Variants in PRKAR2B observed in about 807,000 individuals in gnomAD.
PRKAR2B encodes protein kinase cAMP-dependent type II regulatory subunit beta.
PRKAR2B carries 14 observed loss-of-function variants against 49.9 expected under a neutral mutation model. That is an observed-to-expected ratio of 0.28 (90% CI 0.19 to 0.44). PRKAR2B has a LOEUF of 0.44. PRKAR2B is among the 20% of genes least tolerant of loss of function. The probability of loss-of-function intolerance (pLI) is 1.00; values close to 1 mark genes in which losing one functional copy is unlikely to be tolerated. For missense variants in PRKAR2B, 393 were observed against 537.9 expected (o/e 0.73, Z 2.67); for synonymous variants, 196 against 197.7 (o/e 0.99, Z 0.07).
rs1158811779 is a variant in PRKAR2B, at chr7:107,045,078, C to T, written c.171C>T (p.Thr57=). 6.5e-7 allele frequency: 1 copy of T among 1,536,024 alleles called. No individual in the cohort carries two copies. Among genetic ancestry groups the T allele is most frequent in the Admixed American group, 2.0e-5 (1 of 50,946 alleles). The change falls in exon 1 of 11, where the codon ACC becomes ACT. Residue 57 remains threonine, a synonymous_variant. Transcript: ENST00000265717. ...CGCGCTTCGGCCATGAGGGCAGGAC[C>T]TGGGGGGACCTGGGCGCCGCTGCCG... ...GTARFGHEGR[T]WGDLGAAAGG...
chr7:107,056,032 A>G (rs1196519318), intron 1 of PRKAR2B, among the ~76,000 whole-genome samples: 5 of 152,318 alleles, frequency 3.3e-5, no homozygotes, highest in East Asian at 3.9e-4. Context: ...CTTCCTACAT[A>G]TGGCTAGCCA....
At chr7:107,061,381 C>A (rs1335677009) in intron 1 of PRKAR2B, among the ~76,000 whole-genome samples, 1 of 152,130 alleles carries the variant, frequency 6.6e-6, no homozygotes, top group Non-Finnish European at 1.5e-5. Context: ...ATATATCTCC[C>A]TTTATTCAGT....
At chr7:107,076,067 AGAGT>A (rs908008717) in intron 2 of PRKAR2B, among the ~76,000 whole-genome samples, 6 of 152,130 alleles carry the variant, frequency 3.9e-5, no homozygotes, top group Non-Finnish European at 7.3e-5. Flanking sequence ...AACAGTTTAA[AGAGT>A]TCAGTGAGCG....
At chr7:107,114,012 T>C (rs1795221040) in intron 2 of PRKAR2B, among the ~76,000 whole-genome samples, 1 of 152,216 alleles carries the variant, frequency 6.6e-6, no homozygotes, top group Non-Finnish European at 1.5e-5. Context: ...GATAAACCGA[T>C]TGAATGCTCT....
rs1796186426 is a variant in PRKAR2B, at chr7:107,160,885, A to G, written c.*1303A>G. ...AGATGAATTTAATTATATTCAACCA[A>G]AGCAATATACTCTTACATGATTTCT... On this transcript the variant is annotated 3_prime_UTR_variant, in exon 11 of 11. Coordinates refer to ENST00000265717, the MANE Select transcript of PRKAR2B (RefSeq NM_002736.3). The G allele has an allele frequency of 6.6e-6, 1 of 152,186 alleles. No homozygotes were observed. Among genetic ancestry groups the G allele is most frequent in the South Asian group, 2.1e-4 (1 of 4,834 alleles). 9.4% of individuals were successfully genotyped at this position (152,186 alleles called of 1,614,324 possible).
intron 1 of PRKAR2B, among the ~76,000 whole-genome samples, chr7:107,052,163 AT>A (rs1793818513): frequency 6.6e-6 from 1 of 152,156 alleles, no homozygotes; most frequent in African/African-American, 2.4e-5. Flanking sequence ...CATGTCTATA[AT>A]TCCCAGCACT....
rs374467529 is a variant in PRKAR2B, at chr7:107,136,235, A to G, written c.481-4612A>G. On this transcript the variant is annotated intron_variant, in intron 4 of 10. Coordinates refer to ENST00000265717, the MANE Select transcript of PRKAR2B (RefSeq NM_002736.3). ...AACTGTAAAATTCCTAGGCGATAACATGGGAGAAAATCTAGATGACCTTGG... is the reference window on the plus strand; with the variant it reads ...AACTGTAAAATTCCTAGGCGATAACGTGGGAGAAAATCTAGATGACCTTGG... Among the ~76,000 whole-genome samples, 117 of 152,308 alleles carry G rather than the reference A, an allele frequency of 7.7e-4. 2 individuals are homozygous for G. In the South Asian group the frequency reaches 0.018, roughly 23 times the overall value.
intron 2 of PRKAR2B, among the ~76,000 whole-genome samples, chr7:107,089,821 A>G (rs1244799730): frequency 6.6e-6 from 1 of 152,232 alleles, no homozygotes; most frequent in East Asian, 1.9e-4. Flanking sequence ...AGATAAGCAG[A>G]TAAAACAGTC....
At chr7:107,150,349 C>G (rs1795960959) in intron 6 of PRKAR2B, among the ~76,000 whole-genome samples, 1 of 151,892 alleles carries the variant, frequency 6.6e-6, no homozygotes, top group South Asian at 2.1e-4. Flanking sequence ...TTCTCTGTGC[C>G]TTCACATTAA....
chr7:107,088,890 GCACCCAGC>G lies in PRKAR2B; in HGVS notation c.343+18576_343+18583del, dbSNP rs538210108. 3.9e-5 allele frequency among the ~76,000 whole-genome samples: 6 copies of G among 152,154 alleles called. No individual in the cohort carries two copies. In the East Asian group the frequency reaches 9.8e-4, roughly 25 times the overall value. On this transcript the variant is annotated intron_variant, in intron 2 of 10. Coordinates refer to ENST00000265717, the MANE Select transcript of PRKAR2B (RefSeq NM_002736.3). ...GCTGGGATTACAGGCATGAGCCACT[GCACCCAGC>G]CGGAGGTAGGTTTTAATAATCATAT... is the stretch of plus-strand genomic sequence containing the variant.
At chr7:107,124,511 TG>T (rs1795448113) in intron 3 of PRKAR2B, among the ~76,000 whole-genome samples, 1 of 152,190 alleles carries the variant, frequency 6.6e-6, no homozygotes, top group Admixed American at 6.5e-5. Context: ...CCCAAGCCTC[TG>T]GGTCAAGTGA....
At chr7:107,116,882 C>A (rs996193050) in intron 2 of PRKAR2B, among the ~76,000 whole-genome samples, 1 of 147,404 alleles carries the variant, frequency 6.8e-6, no homozygotes, top group East Asian at 1.9e-4. Flanking sequence ...TATATATACA[C>A]ACATATATAT....
intron 2 of PRKAR2B, among the ~76,000 whole-genome samples, chr7:107,088,382 G>A (rs572435868): frequency 3.5e-4 from 53 of 152,302 alleles, no homozygotes; most frequent in Admixed American, 6.5e-4. Flanking sequence ...CAAGGCCTGG[G>A]AAGTACAGGG....
chr7:107,059,782 G>A (rs562119890), intron 1 of PRKAR2B, among the ~76,000 whole-genome samples: 1 of 151,918 alleles, frequency 6.6e-6, no homozygotes, highest in South Asian at 2.1e-4. Context: ...GATACCTCTG[G>A]GGGACCATTT....
chr7:107,128,001 C>T (rs1301305346), intron 3 of PRKAR2B, among the ~76,000 whole-genome samples: 2 of 152,134 alleles, frequency 1.3e-5, no homozygotes, highest in Non-Finnish European at 2.9e-5. Context: ...ATACCAACCT[C>T]CCCCGAACAA....
Position 107,153,741 on chromosome 7 carries a change from T to A in PRKAR2B, c.918+490T>A, listed in dbSNP as rs188095497. On this transcript the variant is annotated intron_variant, in intron 8 of 10. Transcript: ENST00000265717. ...CCTAATACTTTTCTAAGATCCCAGC[T>A]GGAACCAATAATATTAGATACCTGG... is the stretch of plus-strand genomic sequence containing the variant. 2.6e-5 allele frequency among the ~76,000 whole-genome samples: 4 copies of A among 152,356 alleles called. No individual in the cohort carries two copies. The East Asian group carries it at 7.7e-4, about 29-fold the overall frequency.
At chr7:107,089,890 G>T (rs1332421487) in intron 2 of PRKAR2B, among the ~76,000 whole-genome samples, 1 of 152,164 alleles carries the variant, frequency 6.6e-6, no homozygotes, top group Non-Finnish European at 1.5e-5. Flanking sequence ...CCATTTTGTG[G>T]TTGTAATTCT....
At chr7:107,135,237 A>G (rs1419004448) in intron 4 of PRKAR2B, among the ~76,000 whole-genome samples, 2 of 152,192 alleles carry the variant, frequency 1.3e-5, no homozygotes, top group Non-Finnish European at 2.9e-5. Flanking sequence ...AATCAAAACT[A>G]CAATGAAATA....
chr7:107,142,437 G>A (rs1312774747), intron 5 of PRKAR2B, among the ~76,000 whole-genome samples: 2 of 152,190 alleles, frequency 1.3e-5, no homozygotes, highest in Non-Finnish European at 2.9e-5. Context: ...ATGCACCTAA[G>A]TGTGTTTAAT....
Sources: allele counts gnomAD v4.1 joint callset (sites outside exome capture counted in the v4.1 genomes callset), GRCh38; gene constraint gnomAD v4.1.1; transcripts MANE v1.5; gene names NCBI Gene and HGNC (gene_info 2026-07-23, HGNC 2026-07-21).